The following FOXP1 variants were observed in gnomAD, a reference collection of about 807,000 sequenced individuals.
The protein encoded by FOXP1 is forkhead box P1, also known as forkhead box protein P1.
A neutral mutation model predicts 98.2 loss-of-function variants in FOXP1; 15 were observed. That is an observed-to-expected ratio of 0.15 (90% CI 0.10 to 0.24). The LOEUF is 0.24. Ranked by LOEUF, FOXP1 falls within the 10% of genes least tolerant of loss-of-function variation. The pLI, the probability that FOXP1 is intolerant of heterozygous loss-of-function variation, is 1.00. For synonymous variants in FOXP1, 371 were observed against 314.5 expected (o/e 1.18, Z -1.90); for missense variants, 633 against 848.5 (o/e 0.75, Z 3.15).
chr3:71,098,022 T>C (rs577205467), intron 7 of FOXP1, among the ~76,000 whole-genome samples: 10 of 152,338 alleles, frequency 6.6e-5, no homozygotes, highest in African/African-American at 2.4e-4. Context: ...GTAGGCTGCA[T>C]TTAACATTAG....
intron 5 of FOXP1, among the ~76,000 whole-genome samples, chr3:71,278,913 C>G (rs918315582): frequency 6.6e-6 from 1 of 151,986 alleles, no homozygotes; most frequent in Admixed American, 6.6e-5. Flanking sequence ...GAATTGGGGC[C>G]GGGCATGGTG....
In FOXP1 at chr3:71,126,304, G is replaced by A. The variant is rs543483192; in HGVS notation, c.181-13667C>T. On this transcript the variant is annotated intron_variant, in intron 6 of 20. Transcript: ENST00000649528. The stretch of plus-strand genomic sequence containing the variant: ...TCGAGACCATACTGGCTAACACAGC[G>A]AAACCCCGTCTCTATTAAAAATACA... Among the ~76,000 whole-genome samples, 7 of 149,574 alleles carry A rather than the reference G, an allele frequency of 4.7e-5. No homozygotes were observed. In the East Asian group the frequency reaches 8.1e-4, roughly 17 times the overall value.
chr3:71,296,991 A>G (rs1309003046), intron 5 of FOXP1, among the ~76,000 whole-genome samples: 1 of 152,230 alleles, frequency 6.6e-6, no homozygotes, highest in East Asian at 1.9e-4. Flanking sequence ...TGTTTCTTGT[A>G]CAGTCTGCAG....
intron 16 of FOXP1, 84 bp downstream of exon 16, chr3:70,977,559 G>A (rs911662528): frequency 1.6e-5 from 19 of 1,172,066 alleles, no homozygotes; most frequent in African/African-American, 9.0e-5. Flanking sequence ...CATACTAAAC[G>A]GTTTTTAAAT....
chr3:71,290,786 G>A (rs1362951962), intron 5 of FOXP1, among the ~76,000 whole-genome samples: 1 of 152,142 alleles, frequency 6.6e-6, no homozygotes, highest in African/African-American at 2.4e-5. Context: ...CAAAGGAAAT[G>A]CTCACAGGAG....
At chr3:71,091,129 G>GTA (rs1553732497) in intron 7 of FOXP1, among the ~76,000 whole-genome samples, 1,255 of 122,388 alleles carry the variant, frequency 0.01, 15 homozygotes, top group African/African-American at 0.018. Flanking sequence ...GTGTGTGTGT[G>GTA]TGTATTCTTA....
chr3:71,126,997 T>G (rs963536742), intron 6 of FOXP1, among the ~76,000 whole-genome samples: 3 of 152,136 alleles, frequency 2.0e-5, no homozygotes, highest in Non-Finnish European at 4.4e-5. Context: ...AAAGCACATT[T>G]TGAGTAGAGA....
chr3:71,415,752 T>C (rs62246013), intron 3 of FOXP1, among the ~76,000 whole-genome samples: 4,404 of 152,052 alleles, frequency 0.029, 106 homozygotes, highest in Non-Finnish European at 0.044. Flanking sequence ...GTTTGGGTCT[T>C]TGACTGTAAA....
intron 3 of FOXP1, among the ~76,000 whole-genome samples, chr3:71,471,235 C>T (rs1456978113): frequency 1.3e-5 from 2 of 151,348 alleles, no homozygotes; most frequent in Non-Finnish European, 2.9e-5. Context: ...TACACAAATA[C>T]ACATATTTAA....
chr3:70,999,098 C>CT (rs568803925), intron 13 of FOXP1, among the ~76,000 whole-genome samples: 66 of 151,220 alleles, frequency 4.4e-4, no homozygotes, highest in Admixed American at 7.3e-4. Flanking sequence ...TATTCTTTCT[C>CT]TTTTTTTTTG....
chr3:71,434,578 A>G (rs2085038673), intron 3 of FOXP1, among the ~76,000 whole-genome samples: 1 of 152,008 alleles, frequency 6.6e-6, no homozygotes, highest in South Asian at 2.1e-4. Context: ...GCACTCATGT[A>G]TATGAAATAG....
intron 6 of FOXP1, among the ~76,000 whole-genome samples, chr3:71,173,086 G>A (rs888262664): frequency 2.0e-5 from 3 of 152,160 alleles, no homozygotes; most frequent in Admixed American, 2.0e-4. Context: ...AAGAGCCCAT[G>A]CATTTTGCAA....
intron 5 of FOXP1, among the ~76,000 whole-genome samples, chr3:71,234,711 G>A (rs566153663): frequency 6.6e-6 from 1 of 152,304 alleles, no homozygotes; most frequent in Non-Finnish European, 1.5e-5. Flanking sequence ...ATTCCTCTGT[G>A]AATGTTCAAA....
At chr3:71,268,363 G>A (rs1280702095) in intron 5 of FOXP1, among the ~76,000 whole-genome samples, 1 of 152,056 alleles carries the variant, frequency 6.6e-6, no homozygotes, top group Non-Finnish European at 1.5e-5. Context: ...CAAAATGCTT[G>A]AGAACTGACA....
At chr3:71,524,484 T>C (rs967640707) in intron 2 of FOXP1, among the ~76,000 whole-genome samples, 1 of 151,924 alleles carries the variant, frequency 6.6e-6, no homozygotes, top group African/African-American at 2.4e-5. Context: ...CCTCACTTTG[T>C]TGCTGGGTTT....
chr3:71,260,485 T>C (rs1196123657), intron 5 of FOXP1, among the ~76,000 whole-genome samples: 2 of 152,180 alleles, frequency 1.3e-5, no homozygotes, highest in Non-Finnish European at 2.9e-5. Flanking sequence ...TAAAATGGCA[T>C]GCAATAAGTA....
At chr3:71,563,954 T>C (rs919944979) in intron 2 of FOXP1, among the ~76,000 whole-genome samples, 4 of 152,260 alleles carry the variant, frequency 2.6e-5, no homozygotes, top group Middle Eastern at 3.2e-3. Flanking sequence ...ACCCACAGTA[T>C]GCCAGATTAT....
chr3:71,033,528 G>A (rs1199251014), intron 11 of FOXP1, among the ~76,000 whole-genome samples: 1 of 143,210 alleles, frequency 7.0e-6, no homozygotes, highest in East Asian at 2.2e-4. Context: ...GCACTTTATT[G>A]AGGTAAGGCA....
chr3:71,322,578 G>A (rs2075452987), intron 4 of FOXP1, among the ~76,000 whole-genome samples: 1 of 152,158 alleles, frequency 6.6e-6, no homozygotes, highest in Admixed American at 6.5e-5. Context: ...CAGAAAACAG[G>A]AGCCAGGTGG....
Sources: allele counts gnomAD v4.1 joint callset (sites outside exome capture counted in the v4.1 genomes callset), GRCh38; gene constraint gnomAD v4.1.1; transcripts MANE v1.5; gene names NCBI Gene and HGNC (gene_info 2026-07-23, HGNC 2026-07-21).